The following LARGE1 variants were observed in gnomAD, a reference collection of about 807,000 sequenced individuals.
The protein encoded by LARGE1 is LARGE xylosyl- and glucuronyltransferase 1.
In LARGE1, 43 loss-of-function variants were observed where a neutral mutation model predicts 87.6. The ratio of observed to expected loss-of-function variants is 0.49; its 90% CI spans 0.38 to 0.63. The LOEUF (loss-of-function observed/expected upper bound fraction) is 0.63. Among genes scored for constraint, LARGE1 ranks in the 30% least tolerant of loss-of-function variants. LARGE1 has a pLI of 0.00. For synonymous variants in LARGE1, 434 were observed against 394.6 expected (o/e 1.10, Z -1.18); for missense variants, 802 against 1,000.2 (o/e 0.80, Z 2.67).
chr22:33,283,169 C>A (rs1179513802), intron 13 of LARGE1, 33 bp downstream of exon 13: 1 of 1,613,510 alleles, frequency 6.2e-7, no homozygotes, highest in Non-Finnish European at 8.5e-7. Flanking sequence ...GGCCTTCGAG[C>A]ACCCCCAGAG....
intron 11 of LARGE1, among the ~76,000 whole-genome samples, chr22:33,188,278 C>G (rs1923593611): frequency 6.6e-6 from 1 of 152,078 alleles, no homozygotes; most frequent in African/African-American, 2.4e-5. Flanking sequence ...TTACTGGACA[C>G]TAATGGAGAC....
At chr22:33,120,394 C>CT in the LARGE1 span, among the ~76,000 whole-genome samples, 2 of 94,154 alleles carry the variant, frequency 2.1e-5, no homozygotes, top group Non-Finnish European at 4.1e-5. Context: ...TTCTTTCTTT[C>CT]TTTCTTTCTT....
chr22:33,898,306 C>T (rs2065197618), intron 1 of LARGE1, among the ~76,000 whole-genome samples: 1 of 152,226 alleles, frequency 6.6e-6, no homozygotes, highest in African/African-American at 2.4e-5. Context: ...CCCCGCCCCC[C>T]ATCCACAAAC....
chr22:33,362,195 G>GT (rs1359488992), intron 9 of LARGE1, among the ~76,000 whole-genome samples: 1 of 148,896 alleles, frequency 6.7e-6, no homozygotes, highest in African/African-American at 2.5e-5. Context: ...GTTATCAAGC[G>GT]TAAGGACTAA....
At chr22:33,708,853 C>A (rs142399477) in intron 2 of LARGE1, among the ~76,000 whole-genome samples, 3,312 of 152,236 alleles carry the variant, frequency 0.022, 115 homozygotes, top group African/African-American at 0.074. Flanking sequence ...CCCGCCTTGG[C>A]CTCCCAAAGT....
chr22:33,696,417 C>A (rs949727932), intron 2 of LARGE1, among the ~76,000 whole-genome samples: 1 of 151,316 alleles, frequency 6.6e-6, no homozygotes, highest in Non-Finnish European at 1.5e-5. Flanking sequence ...CACTTGCCAC[C>A]ACCGCCCAGC....
At chr22:33,842,225 C>A (rs1373381074) in intron 1 of LARGE1, among the ~76,000 whole-genome samples, 2 of 152,162 alleles carry the variant, frequency 1.3e-5, no homozygotes, top group Non-Finnish European at 2.9e-5. Context: ...TATTAAGTGC[C>A]TTCGACGCAC....
intron 1 of LARGE1, among the ~76,000 whole-genome samples, chr22:33,871,937 C>T (rs1314293498): frequency 2.8e-5 from 4 of 145,040 alleles, no homozygotes; most frequent in African/African-American, 1.0e-4. Flanking sequence ...GTTAATTGAT[C>T]TAAACAGTCT....
chr22:33,338,406 TCGG>T (rs1569071926), intron 9 of LARGE1, among the ~76,000 whole-genome samples: 8 of 152,140 alleles, frequency 5.3e-5, no homozygotes, highest in African/African-American at 1.9e-4. Context: ...GCCTCTGGAA[TCGG>T]TTGGTGATGC....
intron 11 of LARGE1, among the ~76,000 whole-genome samples, chr22:33,236,263 G>A (rs1926247759): frequency 6.6e-6 from 1 of 152,162 alleles, no homozygotes; most frequent in Admixed American, 6.5e-5. Context: ...CATGAGTGGA[G>A]AAACACCCCA....
chr22:33,198,504 T>C (rs1210233199), intron 11 of LARGE1, among the ~76,000 whole-genome samples: 1 of 152,044 alleles, frequency 6.6e-6, no homozygotes, highest in Non-Finnish European at 1.5e-5. Flanking sequence ...GTCTGGGCTG[T>C]TAGTGATTCA....
At chr22:33,588,992 A>C (rs2078758929) in intron 5 of LARGE1, among the ~76,000 whole-genome samples, 1 of 152,254 alleles carries the variant, frequency 6.6e-6, no homozygotes, top group Non-Finnish European at 1.5e-5. Context: ...TTTAATTCAA[A>C]GTGATTAGGA....
chr22:33,672,962 C>G (rs1038204392), intron 2 of LARGE1, among the ~76,000 whole-genome samples: 1 of 152,096 alleles, frequency 6.6e-6, no homozygotes, highest in Non-Finnish European at 1.5e-5. Context: ...ACAGGGTGCT[C>G]TGAGAGATTG....
At chr22:33,765,678 C>A (rs1293774881) in intron 1 of LARGE1, among the ~76,000 whole-genome samples, 1 of 119,494 alleles carries the variant, frequency 8.4e-6, no homozygotes, top group Non-Finnish European at 1.6e-5. Context: ...GCACTCCAGC[C>A]TGGGCAACAA....
At chr22:33,888,299 TC>T (rs2064913184) in intron 1 of LARGE1, among the ~76,000 whole-genome samples, 1 of 151,982 alleles carries the variant, frequency 6.6e-6, no homozygotes, top group Admixed American at 6.6e-5. Flanking sequence ...TTACAGAACA[TC>T]CATGAGCCCA....
At chr22:33,785,430 C>T (rs1349145553) in intron 1 of LARGE1, among the ~76,000 whole-genome samples, 1 of 152,000 alleles carries the variant, frequency 6.6e-6, no homozygotes, top group African/African-American at 2.4e-5. Context: ...CCCAGGCCTG[C>T]CTGTTTCACA....
chr22:33,841,790 C>G (rs1247422654), intron 1 of LARGE1, among the ~76,000 whole-genome samples: 1 of 152,176 alleles, frequency 6.6e-6, no homozygotes, highest in African/African-American at 2.4e-5. Context: ...TGAATAAATA[C>G]AAAGTCAGAA....
chr22:33,826,595 C>T (rs528165608), intron 1 of LARGE1, among the ~76,000 whole-genome samples: 1 of 152,196 alleles, frequency 6.6e-6, no homozygotes, highest in African/African-American at 2.4e-5. Flanking sequence ...CCCGCCTCGG[C>T]CTCCCCAAAT....
chr22:33,672,744 G>C (rs1054109237), intron 2 of LARGE1, among the ~76,000 whole-genome samples: 1 of 152,176 alleles, frequency 6.6e-6, no homozygotes, highest in African/African-American at 2.4e-5. Flanking sequence ...AGAACCAAAG[G>C]AGTTGGTAGA....
Sources: allele counts gnomAD v4.1 joint callset (sites outside exome capture counted in the v4.1 genomes callset), GRCh38; gene constraint gnomAD v4.1.1; transcripts MANE v1.5; gene names NCBI Gene and HGNC (gene_info 2026-07-23, HGNC 2026-07-21).